Variants in ATP8B1 observed in about 807,000 individuals in gnomAD.
ATP8B1 encodes the protein phospholipid-transporting ATPase IC.
Under a neutral mutation model 149.9 loss-of-function variants are expected in ATP8B1, and 80 were observed. The observed-to-expected ratio is 0.53, with a 90% CI of 0.45 to 0.64. The LOEUF is 0.64. Ranked by LOEUF, ATP8B1 falls within the 30% of genes least tolerant of loss-of-function variation. The pLI is 0.00. For missense variants in ATP8B1, 1,247 were observed against 1,552.6 expected (o/e 0.80, Z 3.31); for synonymous variants, 536 against 562.8 (o/e 0.95, Z 0.67).
At chr18:57,796,554 C>G (rs1387840465) in intron 1 of ATP8B1, among the ~76,000 whole-genome samples, 1 of 152,194 alleles carries the variant, frequency 6.6e-6, no homozygotes. Flanking sequence ...TTAGAGGACT[C>G]ACACTTTAAT....
intron 19 of ATP8B1, 181 bp downstream of exon 19, chr18:57,668,248 G>C (rs893639070): frequency 4.9e-6 from 7 of 1,415,284 alleles, no homozygotes; most frequent in Non-Finnish European, 6.6e-6. Context: ...GGGGGATCAG[G>C]AAAGGATGCA....
intron 24 of ATP8B1, among the ~76,000 whole-genome samples, chr18:57,653,284 T>TC (rs1374554010): frequency 8.2e-6 from 1 of 122,554 alleles, no homozygotes; most frequent in Non-Finnish European, 1.7e-5. Context: ...TTTCTTTTCT[T>TC]TTTTTTTTTT....
chr18:57,783,453 A>G (rs182306970), intron 1 of ATP8B1, among the ~76,000 whole-genome samples: 22 of 152,300 alleles, frequency 1.4e-4, no homozygotes, highest in Non-Finnish European at 1.5e-4. Flanking sequence ...ACTGTGGGGA[A>G]TAAGAACTTT....
chr18:57,669,551 C>T, intron 17 of ATP8B1, 69 bp from the exon 18 acceptor site: 1 of 1,457,922 alleles, frequency 6.9e-7, no homozygotes, highest in East Asian at 2.4e-5. Context: ...AGGATCAAGT[C>T]TGAAATTTTA....
chr18:57,749,374 C>A (rs1190933727), intron 1 of ATP8B1, among the ~76,000 whole-genome samples: 3 of 151,122 alleles, frequency 2.0e-5, no homozygotes, highest in South Asian at 4.2e-4. Context: ...CATTCCCCTT[C>A]TCCATAGACC....
At chr18:57,696,379 A>G (rs945493181) in intron 8 of ATP8B1, among the ~76,000 whole-genome samples, 3 of 152,184 alleles carry the variant, frequency 2.0e-5, no homozygotes, top group Non-Finnish European at 2.9e-5. Context: ...AGAAAGCTCT[A>G]TCAGGCAACT....
chr18:57,717,588 A>G (rs1568209577), intron 2 of ATP8B1, among the ~76,000 whole-genome samples: 1 of 126,318 alleles, frequency 7.9e-6, no homozygotes, highest in African/African-American at 3.1e-5. Flanking sequence ...AAAAAAAAAA[A>G]GAACTAGAAA....
intron 6 of ATP8B1, among the ~76,000 whole-genome samples, chr18:57,698,866 C>T (rs1041126781): frequency 6.6e-6 from 1 of 152,204 alleles, no homozygotes; most frequent in African/African-American, 2.4e-5. Flanking sequence ...TTTTCCCTTC[C>T]CTGTACTGTC....
intron 2 of ATP8B1, among the ~76,000 whole-genome samples, chr18:57,717,983 T>C (rs2079599976): frequency 6.6e-6 from 1 of 151,542 alleles, no homozygotes; most frequent in East Asian, 1.9e-4. Flanking sequence ...TGCCCTCAAG[T>C]GATCCACCTA....
rs539157367 is a variant in ATP8B1 at position 57,656,436 on chromosome 18, A to C, written c.2708-1019T>G. 7.0e-4 allele frequency among the ~76,000 whole-genome samples: 103 copies of C among 146,568 alleles called. 1 individual carries two copies. The highest frequency in any genetic ancestry group is 2.0e-3 in the African/African-American group (80 of 39,298). Reference sequence around the variant, plus strand: ...AGTCTCACTCTGTCACCCAGGCTGCAGTGCAATGGCGCAGTCTTGGCTCAC... The same window carrying C: ...AGTCTCACTCTGTCACCCAGGCTGCCGTGCAATGGCGCAGTCTTGGCTCAC... On this transcript the variant is annotated intron_variant, in intron 22 of 27. Transcript: ENST00000648908.
rs192379015 is a variant in ATP8B1, at chr18:57,649,525, A to G, written c.3532-813T>C. Among the ~76,000 whole-genome samples, 15 of 152,166 alleles carry G rather than the reference A, an allele frequency of 9.9e-5. No homozygotes were observed. In the East Asian group the frequency reaches 2.9e-3, roughly 29 times the overall value. On this transcript the variant is annotated intron_variant, in intron 27 of 27. Coordinates refer to ENST00000648908, the MANE Select transcript of ATP8B1 (RefSeq NM_001374385.1). Reference sequence around the variant, plus strand: ...GCACTGCAAAAGGGAGACCCGAGGGATACTGAAGGTTGCCTCAGTAGCCTC... The same window carrying G: ...GCACTGCAAAAGGGAGACCCGAGGGGTACTGAAGGTTGCCTCAGTAGCCTC...
intron 1 of ATP8B1, among the ~76,000 whole-genome samples, chr18:57,756,210 TACACACACACACACACACAC>T (rs573321061): frequency 9.2e-6 from 1 of 109,052 alleles, no homozygotes; most frequent in Non-Finnish European, 1.8e-5. Flanking sequence ...TATATATATA[TACACACACACACACACACAC>T]ACACACATAT....
At chr18:57,719,617 G>A (rs542900006) in intron 2 of ATP8B1, among the ~76,000 whole-genome samples, 109 of 152,268 alleles carry the variant, frequency 7.2e-4, no homozygotes, top group African/African-American at 2.5e-3. Flanking sequence ...CTACGCCCAC[G>A]GAATCTCACT....
intron 2 of ATP8B1, among the ~76,000 whole-genome samples, chr18:57,727,703 C>T (rs543909235): frequency 1.3e-5 from 2 of 152,156 alleles, no homozygotes; most frequent in African/African-American, 2.4e-5. Flanking sequence ...GCAGGAGAAT[C>T]GCTTGAACCC....
intron 1 of ATP8B1, among the ~76,000 whole-genome samples, chr18:57,795,111 G>A (rs1312607122): frequency 6.6e-6 from 1 of 152,178 alleles, no homozygotes; most frequent in Admixed American, 6.5e-5. Flanking sequence ...ACAATAGCCA[G>A]AGGTGGGCCA....
At chr18:57,670,963 C>G (rs768057513) in intron 17 of ATP8B1, among the ~76,000 whole-genome samples, 4 of 152,198 alleles carry the variant, frequency 2.6e-5, no homozygotes, top group Non-Finnish European at 4.4e-5. Flanking sequence ...CCCGCCTTGG[C>G]CTCCCAAAGT....
At chr18:57,659,378 C>A (rs981931423) in intron 22 of ATP8B1, among the ~76,000 whole-genome samples, 2 of 152,064 alleles carry the variant, frequency 1.3e-5, no homozygotes, top group African/African-American at 4.8e-5. Flanking sequence ...TTTGTGCAAT[C>A]CCTCTCATTA....
intron 1 of ATP8B1, among the ~76,000 whole-genome samples, chr18:57,745,422 C>T (rs1036450200): frequency 6.6e-6 from 1 of 151,862 alleles, no homozygotes; most frequent in African/African-American, 2.4e-5. Context: ...TAGGCATGCA[C>T]CACCATGCTC....
chr18:57,677,675 A>G (rs376286665), intron 15 of ATP8B1, among the ~76,000 whole-genome samples: 48 of 152,236 alleles, frequency 3.2e-4, no homozygotes, highest in African/African-American at 1.1e-3. Flanking sequence ...TCAGAAAGTC[A>G]TTCACTAGAA....
Sources: allele counts gnomAD v4.1 joint callset (sites outside exome capture counted in the v4.1 genomes callset), GRCh38; gene constraint gnomAD v4.1.1; transcripts MANE v1.5; gene names NCBI Gene and HGNC (gene_info 2026-07-23, HGNC 2026-07-21).